The following APLP2 variants were observed in gnomAD, a reference collection of about 807,000 sequenced individuals.
APLP2 encodes the protein CDEI box-binding protein.
In APLP2, 53 loss-of-function variants were observed where a neutral mutation model predicts 89.9. The observed-to-expected ratio is 0.59, with a 90% CI of 0.47 to 0.74. APLP2 has a LOEUF of 0.74. Among genes scored for constraint, APLP2 ranks in the 30% least tolerant of loss-of-function variants. The probability of loss-of-function intolerance (pLI) is 0.00; values close to 1 mark genes in which losing one functional copy is unlikely to be tolerated. For missense variants in APLP2, 973 were observed against 975.9 expected (o/e 1.00, Z 0.04); for synonymous variants, 372 against 348.6 (o/e 1.07, Z -0.75).
Position 130,143,626 on chromosome 11 carries a change from G to A in APLP2, c.*178G>A. 1.7e-6 allele frequency: 1 copy of A among 575,126 alleles called. No individual in the cohort carries two copies. The highest frequency in any genetic ancestry group is 3.1e-6 in the Non-Finnish European group (1 of 321,352). 35.6% of individuals were successfully genotyped at this position (575,126 alleles called of 1,614,324 possible). ...AACTGCAATTTCCATTCTTTTAAAT[G>A]GGTGAAAAATGGTAATATAACAATA... is the stretch of plus-strand genomic sequence containing the variant. On this transcript the variant is annotated 3_prime_UTR_variant, in exon 17 of 17. Coordinates refer to ENST00000338167, the MANE Select transcript of APLP2 (RefSeq NM_001142276.2).
chr11:130,084,590 G>A (rs1002713964), intron 1 of APLP2, among the ~76,000 whole-genome samples: 3 of 152,038 alleles, frequency 2.0e-5, no homozygotes, highest in African/African-American at 7.2e-5. Context: ...CTTAACCATT[G>A]AGCCAAAGAA....
chr11:130,108,149 G>T (rs1948047666), intron 1 of APLP2, among the ~76,000 whole-genome samples: 1 of 152,192 alleles, frequency 6.6e-6, no homozygotes, highest in South Asian at 2.1e-4. Context: ...CAGGACATAG[G>T]CATGGGCAAG....
At chr11:130,143,231 G>T in intron 16 of APLP2, 116 bp from the exon 17 acceptor site, 3 of 899,652 alleles carry the variant, frequency 3.3e-6, no homozygotes, top group South Asian at 2.8e-5. Flanking sequence ...GTGGGAACGG[G>T]CTGCTGGCTG....
chr11:130,136,265 G>T (rs1258709700), intron 13 of APLP2, among the ~76,000 whole-genome samples: 5 of 152,164 alleles, frequency 3.3e-5, no homozygotes, highest in Non-Finnish European at 7.4e-5. Context: ...TGAGACCAGT[G>T]CCCTGAGAGC....
Position 130,081,642 on chromosome 11 carries a change from T to C in APLP2, c.105+11560T>C, listed in dbSNP as rs576686348. Among the ~76,000 whole-genome samples, 5 of 152,288 alleles carry C rather than the reference T, an allele frequency of 3.3e-5. No homozygotes were observed. In the South Asian group the frequency reaches 1.0e-3, roughly 32 times the overall value. ...AAGGGTGTTTTCCCCCCTAAAACAC[T>C]GGAAGTAATTGGGATCTGATAAATT... On this transcript the variant is annotated intron_variant, in intron 1 of 16. Transcript: ENST00000338167.
At chr11:130,128,899 A>G (rs1418703722) in intron 9 of APLP2, 149 bp from the exon 10 acceptor site, 4 of 781,282 alleles carry the variant, frequency 5.1e-6, no homozygotes, top group Non-Finnish European at 8.0e-6. Flanking sequence ...AGGATGAAGT[A>G]GACTTTGGAT....
chr11:130,115,132 A>C (rs1211084495), intron 3 of APLP2, among the ~76,000 whole-genome samples: 1 of 152,194 alleles, frequency 6.6e-6, no homozygotes, highest in Non-Finnish European at 1.5e-5. Flanking sequence ...ACCTGGGTAC[A>C]GCTTTTACCA....
chr11:130,113,632 A>T (rs886364478), intron 3 of APLP2, among the ~76,000 whole-genome samples: 1 of 152,022 alleles, frequency 6.6e-6, no homozygotes, highest in African/African-American at 2.4e-5. Flanking sequence ...TTAGATTTTG[A>T]TGTCTCCCTG....
At chr11:130,087,195 T>G (rs1288211895) in intron 1 of APLP2, among the ~76,000 whole-genome samples, 3 of 152,260 alleles carry the variant, frequency 2.0e-5, no homozygotes, top group East Asian at 1.9e-4. Context: ...TTTATTCTTT[T>G]AGAGTAACTG....
chr11:130,138,225 G>A (rs528714441), intron 13 of APLP2, among the ~76,000 whole-genome samples: 1 of 152,328 alleles, frequency 6.6e-6, no homozygotes, highest in South Asian at 2.1e-4. Flanking sequence ...GCCAAACGGT[G>A]TTGCCCGGCT....
At chr11:130,077,336 T>C (rs1401816366) in intron 1 of APLP2, among the ~76,000 whole-genome samples, 2 of 152,104 alleles carry the variant, frequency 1.3e-5, no homozygotes, top group African/African-American at 2.4e-5. Context: ...GTGAGGGAGA[T>C]ATTTCGCCTA....
rs183836772 is a variant in APLP2, at chr11:130,130,216, G to A, written c.1584+50G>A. On this transcript the variant is annotated intron_variant, in intron 11 of 16. Transcript: ENST00000338167. Reference sequence around the variant, plus strand: ...CTGCCGTGAGGGCATTTCCAGTGGGGAACATAATGCCTTGACTAATGGTTG... The same window carrying A: ...CTGCCGTGAGGGCATTTCCAGTGGGAAACATAATGCCTTGACTAATGGTTG... The A allele has an allele frequency of 1.2e-5, 20 of 1,612,402 alleles. No homozygotes were observed. In the Admixed American group the frequency reaches 2.5e-4, roughly 20 times the overall value.
chr11:130,143,507 A>G lies in APLP2; in HGVS notation c.*59A>G. 1.4e-6 allele frequency: 2 copies of G among 1,433,114 alleles called. No individual in the cohort carries two copies. The highest frequency in any genetic ancestry group is 2.0e-6 in the Non-Finnish European group (2 of 1,018,668). 88.8% of individuals were successfully genotyped at this position (1,433,114 alleles called of 1,614,324 possible). On this transcript the variant is annotated 3_prime_UTR_variant, in exon 17 of 17. Transcript: ENST00000338167. The stretch of plus-strand genomic sequence containing the variant: ...TGCAGGTGGGCCGGAAGATCCCACG[A>G]TTCCGATCGACTGCCAAGCAGCAGC...
chr11:130,111,287 T>A (rs972618855), intron 3 of APLP2, among the ~76,000 whole-genome samples: 4 of 152,160 alleles, frequency 2.6e-5, no homozygotes, highest in Admixed American at 2.6e-4. Flanking sequence ...GGGAATATAT[T>A]CATTTTAACT....
chr11:130,124,427 A>T (rs758610123), intron 7 of APLP2, among the ~76,000 whole-genome samples: 1 of 152,170 alleles, frequency 6.6e-6, no homozygotes, highest in Non-Finnish European at 1.5e-5. Context: ...CAGGAAGGTC[A>T]GTGGTTCAGT....
intron 1 of APLP2, among the ~76,000 whole-genome samples, chr11:130,075,216 C>T (rs1941897874): frequency 6.6e-6 from 1 of 152,206 alleles, no homozygotes; most frequent in Non-Finnish European, 1.5e-5. Flanking sequence ...GTGGCGCAGC[C>T]ATGGCTCACT....
rs1326168539 is a variant in APLP2, at chr11:130,129,136, C to T, written c.1385C>T (p.Ala462Val). Residue 462 changes from alanine to valine, a missense_variant, in exon 10 of 17, where the codon GCT (alanine) becomes GTT (valine). Physicochemically the swap from Ala to Val is moderately conservative, Grantham distance 64. Transcript: ENST00000338167. Reference protein sequence around the residue: ...LVETHLARVEAMLNDRRRMAL... With the variant: ...LVETHLARVEVMLNDRRRMAL... ...GAGACCCACCTGGCCCGAGTGGAAGCTATGCTGAATGACCGCCGTCGGATG... is the reference window on the plus strand; with the variant it reads ...GAGACCCACCTGGCCCGAGTGGAAGTTATGCTGAATGACCGCCGTCGGATG... 1.2e-6 allele frequency: 2 copies of T among 1,614,220 alleles called. No individual in the cohort carries two copies. Among genetic ancestry groups the T allele is most frequent in the South Asian group, 2.2e-5 (2 of 91,086 alleles).
intron 1 of APLP2, among the ~76,000 whole-genome samples, chr11:130,078,684 T>G (rs937455479): frequency 6.6e-6 from 1 of 152,166 alleles, no homozygotes; most frequent in South Asian, 2.1e-4. Flanking sequence ...TTTTTCCTTA[T>G]GGATATCTGG....
intron 1 of APLP2, among the ~76,000 whole-genome samples, chr11:130,080,661 A>G (rs1474824067): frequency 1.3e-5 from 2 of 148,536 alleles, no homozygotes; most frequent in Non-Finnish European, 3.0e-5. Flanking sequence ...TGTAAGCTGA[A>G]CTCTGTGGAG....
Sources: gnomAD v4.1 joint callset for allele counts (sites outside exome capture counted in the v4.1 genomes callset) on GRCh38, gnomAD v4.1.1 for gene constraint, MANE v1.5 for transcripts, NCBI Gene and HGNC (gene_info 2026-07-23, HGNC 2026-07-21) for gene names.